ARSB: variants seen among roughly 807,000 people sequenced by gnomAD.
ARSB encodes arylsulfatase B.
ARSB carries 41 observed loss-of-function variants against 50.9 expected under a neutral mutation model. That is an observed-to-expected ratio of 0.81 (90% CI 0.63 to 1.04). The LOEUF (loss-of-function observed/expected upper bound fraction) is 1.04, where lower values mean the gene tolerates loss of function less well. ARSB is among the 50% of genes least tolerant of loss of function. The probability of loss-of-function intolerance (pLI) is 0.00; values close to 1 mark genes in which losing one functional copy is unlikely to be tolerated. For synonymous variants in ARSB, 269 were observed against 284.8 expected (o/e 0.94, Z 0.56); for missense variants, 672 against 693.3 (o/e 0.97, Z 0.35).
At chr5:78,812,600 C>CACACACAA (rs1743850443) in intron 6 of ARSB, among the ~76,000 whole-genome samples, 1 of 114,852 alleles carries the variant, frequency 8.7e-6, no homozygotes, top group Admixed American at 8.6e-5. Flanking sequence ...CAAACACACA[C>CACACACAA]ACACACACAC....
chr5:78,860,674 T>G (rs1746391018), intron 5 of ARSB, among the ~76,000 whole-genome samples: 1 of 152,144 alleles, frequency 6.6e-6, no homozygotes, highest in African/African-American at 2.4e-5. Flanking sequence ...ATCTAAAACT[T>G]GACACCCTAA....
chr5:78,808,932 T>C (rs1580989928), intron 6 of ARSB, among the ~76,000 whole-genome samples: 1 of 152,356 alleles, frequency 6.6e-6, no homozygotes. Flanking sequence ...AGCTGTGCCA[T>C]GTGCCCTACT....
chr5:78,909,356 GTTC>G (rs1437568698), intron 4 of ARSB, among the ~76,000 whole-genome samples: 1 of 152,122 alleles, frequency 6.6e-6, no homozygotes, highest in African/African-American at 2.4e-5. Context: ...CTGTGTCTGT[GTTC>G]TTAAGTTGTA....
chr5:78,833,792 G>A (rs962926110), intron 6 of ARSB, among the ~76,000 whole-genome samples: 2 of 152,186 alleles, frequency 1.3e-5, no homozygotes, highest in Admixed American at 1.3e-4. Flanking sequence ...GATGAAGTTG[G>A]GCAGGGAAAT....
At chr5:78,980,725 A>AGTGT (rs1315709564) in intron 1 of ARSB, among the ~76,000 whole-genome samples, 4 of 91,986 alleles carry the variant, frequency 4.3e-5, no homozygotes, top group African/African-American at 1.2e-4. Context: ...TGTCTAAGGA[A>AGTGT]GTGTGTGTAT....
intron 1 of ARSB, among the ~76,000 whole-genome samples, chr5:78,972,287 C>T (rs1752482291): frequency 6.6e-6 from 1 of 152,168 alleles, no homozygotes; most frequent in Non-Finnish European, 1.5e-5. Flanking sequence ...ATTGGCCCTT[C>T]CTTTCTTCTC....
In ARSB at chr5:78,894,625, G is replaced by A. The variant is rs569433988; in HGVS notation, c.899-8798C>T. 1.4e-3 allele frequency among the ~76,000 whole-genome samples: 216 copies of A among 152,152 alleles called. 2 individuals carry two copies. The highest frequency in any genetic ancestry group is 2.7e-3 in the Non-Finnish European group (186 of 68,030). On this transcript the variant is annotated intron_variant, in intron 4 of 7. Coordinates refer to ENST00000264914, the MANE Select transcript of ARSB (RefSeq NM_000046.5). ...GCACAATCCTCCCTGAAGAATAACC[G>A]GAGAGTAAAACATTTAATGGCAGAA...
At chr5:78,841,162 C>CTAATAATAATAATAATAATAATAA (rs1427792909) in intron 5 of ARSB, among the ~76,000 whole-genome samples, 1,745 of 97,400 alleles carry the variant, frequency 0.018, 14 homozygotes, top group Middle Eastern at 0.03. Flanking sequence ...ACTACTACTA[C>CTAATAATAATAATAATAATAATAA]TACTACTAAT....
At position 78,780,218 on chromosome 5, in the gene ARSB, T is replaced by C. The variant is rs1658130560; in HGVS notation, c.*179A>G. ...CATGCTCCAGCCAACAGCAGGAGTG[T>C]TGCAGATTTTATCAGCTTCTTAAAT... On this transcript the variant is annotated 3_prime_UTR_variant, in exon 8 of 8. Transcript: ENST00000264914. 1 of 777,524 alleles carries C rather than the reference T, an allele frequency of 1.3e-6. No individual in the cohort carries two copies. Among genetic ancestry groups the C allele is most frequent in the South Asian group, 1.7e-5 (1 of 58,232 alleles). 48.2% of individuals were successfully genotyped at this position (777,524 alleles called of 1,614,324 possible).
At chr5:78,806,123 G>A (rs1743550708) in intron 6 of ARSB, among the ~76,000 whole-genome samples, 1 of 152,206 alleles carries the variant, frequency 6.6e-6, no homozygotes, top group Non-Finnish European at 1.5e-5. Flanking sequence ...GGCCTTTATT[G>A]TTATTATTAT....
chr5:78,879,737 G>A (rs73769207), intron 5 of ARSB, among the ~76,000 whole-genome samples: 5,512 of 152,278 alleles, frequency 0.036, 338 homozygotes, highest in African/African-American at 0.12. Context: ...GTGACTGGGC[G>A]ATTTCTGTAT....
At chr5:78,868,612 T>G (rs1358306714) in intron 5 of ARSB, among the ~76,000 whole-genome samples, 4 of 148,016 alleles carry the variant, frequency 2.7e-5, no homozygotes, top group African/African-American at 1.0e-4. Context: ...AAGCAAATGC[T>G]GACCGATTTT....
intron 6 of ARSB, among the ~76,000 whole-genome samples, chr5:78,826,411 G>A (rs1034173260): frequency 2.0e-5 from 3 of 152,120 alleles, no homozygotes; most frequent in African/African-American, 2.4e-5. Context: ...TACTGTTCTA[G>A]ATGTTTGGGT....
chr5:78,831,033 C>T (rs1296532025), intron 6 of ARSB, among the ~76,000 whole-genome samples: 1 of 152,094 alleles, frequency 6.6e-6, no homozygotes, highest in East Asian at 1.9e-4. Flanking sequence ...GTCACATGTG[C>T]TCATAATTTA....
intron 4 of ARSB, among the ~76,000 whole-genome samples, chr5:78,943,722 A>T (rs1432515751): frequency 1.3e-5 from 2 of 152,032 alleles, no homozygotes; most frequent in African/African-American, 4.8e-5. Context: ...TTTTTCCTTC[A>T]TTTCAACTTT....
intron 6 of ARSB, among the ~76,000 whole-genome samples, chr5:78,789,724 A>G (rs1421551940): frequency 6.6e-6 from 1 of 152,250 alleles, no homozygotes; most frequent in African/African-American, 2.4e-5. Context: ...ATAATAAAAT[A>G]GTAATAGCAG....
chr5:78,864,473 C>T (rs973764897), intron 5 of ARSB, among the ~76,000 whole-genome samples: 2 of 152,092 alleles, frequency 1.3e-5, no homozygotes, highest in Non-Finnish European at 2.9e-5. Context: ...TATCTGCCAC[C>T]GGGTCCCTCC....
At chr5:78,888,357 C>T (rs1477514866) in intron 4 of ARSB, among the ~76,000 whole-genome samples, 4 of 152,210 alleles carry the variant, frequency 2.6e-5, no homozygotes, top group East Asian at 1.9e-4. Flanking sequence ...AGCAATCACT[C>T]ATAACCAATG....
At chr5:78,862,441 A>G (rs1309542188) in intron 5 of ARSB, among the ~76,000 whole-genome samples, 4 of 152,214 alleles carry the variant, frequency 2.6e-5, no homozygotes, top group Admixed American at 2.6e-4. Context: ...AACAGAACAG[A>G]GCCCTCAGAA....
Sources: gnomAD v4.1 joint callset for allele counts (sites outside exome capture counted in the v4.1 genomes callset) on GRCh38, gnomAD v4.1.1 for gene constraint, MANE v1.5 for transcripts, NCBI Gene and HGNC (gene_info 2026-07-23, HGNC 2026-07-21) for gene names.